Variants in RPS6KA2 observed in about 807,000 individuals in gnomAD.
RPS6KA2 encodes the protein ribosomal protein S6 kinase alpha-2.
In RPS6KA2, 42 loss-of-function variants were observed where a neutral mutation model predicts 91.8. The observed-to-expected ratio is 0.46, with a 90% CI of 0.36 to 0.59. The LOEUF (loss-of-function observed/expected upper bound fraction) is 0.59. RPS6KA2 is among the 20% of genes least tolerant of loss of function. The pLI, the probability that RPS6KA2 is intolerant of heterozygous loss-of-function variation, is 0.00. For missense variants in RPS6KA2, 798 were observed against 978.5 expected (o/e 0.82, Z 2.46); for synonymous variants, 414 against 393.6 (o/e 1.05, Z -0.61).
intron 3 of RPS6KA2, among the ~76,000 whole-genome samples, chr6:166,511,838 C>G (rs1782486834): frequency 6.6e-6 from 1 of 152,102 alleles, no homozygotes; most frequent in South Asian, 2.1e-4. Flanking sequence ...AACCATCATG[C>G]ATTGCTGATG....
At position 166,508,259 on chromosome 6, in the gene RPS6KA2, A is replaced by G. The variant is rs746976259; in HGVS notation, c.403T>C (p.Tyr135His). The change falls in exon 5 of 21, where the codon TAC becomes CAC. Residue 135 changes from tyrosine (Y) to histidine (H), a missense_variant. By Grantham distance (83) the Tyr-to-His change is moderately conservative. Transcript: ENST00000265678. The surrounding 1 kb of genome is among the most constrained non-coding windows in gnomAD (Gnocchi z 4.3). ...HYAFQTEGKL[Y>H]LILDFLRGGD... ...CCCCGCAGGAAGTCCAGGATCAGGT[A>G]GAGCTTTCCTTCCGTCTGAAAGGCT... The G allele has an allele frequency of 6.2e-7, 1 of 1,613,300 alleles. No individual in the cohort carries two copies. Among genetic ancestry groups the G allele is most frequent in the Non-Finnish European group, 8.5e-7 (1 of 1,179,362 alleles).
chr6:166,444,498 T>C (rs1389935042), intron 14 of RPS6KA2, among the ~76,000 whole-genome samples: 2 of 152,238 alleles, frequency 1.3e-5, no homozygotes, highest in East Asian at 1.9e-4. Flanking sequence ...TCTGTTCACC[T>C]ACAATGTGTC....
At chr6:166,848,848 C>T (rs996927600) in intron 2 of RPS6KA2, among the ~76,000 whole-genome samples, 4 of 151,964 alleles carry the variant, frequency 2.6e-5, no homozygotes, top group Non-Finnish European at 5.9e-5. Context: ...GAAATCACCA[C>T]TAAAGAACTT....
chr6:166,423,382 C>T lies in RPS6KA2; in HGVS notation c.1617G>A (p.Leu539=), dbSNP rs149814419. Residue 539 remains leucine, a synonymous_variant, in exon 17 of 21, where the codon CTG becomes CTA. Transcript: ENST00000265678. This position sits in a 1 kb window ranked among gnomAD's most constrained non-coding sequence, Gnocchi z 4.8. ...VHRDLKPSNI[L]YRDESGSPES... is the part of the protein sequence containing the mutation. ...CTGGGCTCCCCGACTCATCCCTGTA[C>T]AGGATGTTACTCGGCTTCAGGTCTC... is the stretch of plus-strand genomic sequence containing the variant. 34 of 1,613,350 alleles carry T rather than the reference C, an allele frequency of 2.1e-5. No individual in the cohort carries two copies. The highest frequency in any genetic ancestry group is 2.7e-5 in the African/African-American group (2 of 74,934).
At chr6:166,416,630 GC>G (rs1186117777) in intron 19 of RPS6KA2, among the ~76,000 whole-genome samples, 20 of 139,128 alleles carry the variant, frequency 1.4e-4, no homozygotes, top group African/African-American at 5.4e-4. Context: ...TCCACCATCA[GC>G]TCCATCCCTG....
In RPS6KA2 at chr6:166,469,114, C is replaced by G. The variant is rs1780654550; in HGVS notation, c.972+727G>C. On this transcript the variant is annotated intron_variant, in intron 11 of 20. Coordinates refer to ENST00000265678, the MANE Select transcript of RPS6KA2 (RefSeq NM_021135.6). ...TCCGAGTTTTAGCCGCGAGAACTCC[C>G]TGTGTGGGGGACGCGTCAGACGCTG... 2.6e-5 allele frequency among the ~76,000 whole-genome samples: 4 copies of G among 152,322 alleles called. No homozygotes were observed. The South Asian group carries it at 8.3e-4, about 32-fold the overall frequency.
At chr6:166,427,088 A>G in intron 16 of RPS6KA2, among the ~76,000 whole-genome samples, 1 of 152,242 alleles carries the variant, frequency 6.6e-6, no homozygotes, top group Non-Finnish European at 1.5e-5. Flanking sequence ...CAGCATATCA[A>G]AAAGCTTATC....
At chr6:166,681,646 T>G (rs1283056070) in intron 2 of RPS6KA2, among the ~76,000 whole-genome samples, 3 of 148,740 alleles carry the variant, frequency 2.0e-5, no homozygotes, top group South Asian at 2.1e-4. Flanking sequence ...CTTTTGTGAT[T>G]CCAGCTCACA....
At chr6:166,764,712 G>A (rs1778261835) in intron 2 of RPS6KA2, among the ~76,000 whole-genome samples, 1 of 152,196 alleles carries the variant, frequency 6.6e-6, no homozygotes, top group Non-Finnish European at 1.5e-5. Flanking sequence ...CTGCAGCCAT[G>A]AGCCCGCAAC....
chr6:166,588,204 T>A (rs745614760), intron 1 of RPS6KA2, among the ~76,000 whole-genome samples: 5 of 151,394 alleles, frequency 3.3e-5, no homozygotes, highest in Non-Finnish European at 7.4e-5. Flanking sequence ...TGAGTGTGGT[T>A]TAAAAAGAGG....
intron 2 of RPS6KA2, among the ~76,000 whole-genome samples, chr6:166,784,257 A>AT (rs1778861236): frequency 2.5e-4 from 1 of 3,970 alleles, no homozygotes; most frequent in African/African-American, 2.8e-4. Context: ...GTGCACACCT[A>AT]CGCATAACCA....
chr6:166,823,800 G>C (rs1779963576), intron 2 of RPS6KA2, among the ~76,000 whole-genome samples: 1 of 152,158 alleles, frequency 6.6e-6, no homozygotes, highest in Non-Finnish European at 1.5e-5. Context: ...AACCTTATTT[G>C]ATCAGCGAAG....
intron 6 of RPS6KA2, 98 bp from the exon 7 acceptor site, chr6:166,501,022 G>C: frequency 8.6e-7 from 1 of 1,163,394 alleles, no homozygotes; most frequent in Non-Finnish European, 1.3e-6. Flanking sequence ...AGCTGGGGGC[G>C]GACGTTTTCA....
intron 2 of RPS6KA2, among the ~76,000 whole-genome samples, chr6:166,782,238 G>C (rs1657064213): frequency 6.6e-6 from 1 of 152,214 alleles, no homozygotes; most frequent in Admixed American, 6.5e-5. Flanking sequence ...GTTGCAGTGA[G>C]CTGAGATTGC....
At chr6:166,772,578 G>A (rs1440717440) in intron 2 of RPS6KA2, among the ~76,000 whole-genome samples, 2 of 152,144 alleles carry the variant, frequency 1.3e-5, no homozygotes, top group East Asian at 1.9e-4. Context: ...CATAAATGAC[G>A]CTTTTACAGA....
At chr6:166,705,277 C>T (rs1789649148) in intron 2 of RPS6KA2, among the ~76,000 whole-genome samples, 1 of 152,216 alleles carries the variant, frequency 6.6e-6, no homozygotes, top group Non-Finnish European at 1.5e-5. Flanking sequence ...CATCATGTCC[C>T]ATTAAATTTT....
At chr6:166,498,802 T>A in intron 7 of RPS6KA2, 152 bp from the exon 8 acceptor site, 1 of 1,007,474 alleles carries the variant, frequency 9.9e-7, no homozygotes, top group Non-Finnish European at 1.4e-6. Flanking sequence ...ACCATGTGAG[T>A]GCTTCCCGAA....
intron 2 of RPS6KA2, among the ~76,000 whole-genome samples, chr6:166,761,187 T>C (rs1047511010): frequency 6.6e-6 from 1 of 152,156 alleles, no homozygotes; most frequent in Non-Finnish European, 1.5e-5. Context: ...TTTTAGCCTC[T>C]TAAGTAGCCA....
chr6:166,701,783 T>C (rs1292553659), intron 2 of RPS6KA2: 7 of 993,890 alleles, frequency 7.0e-6, no homozygotes, highest in African/African-American at 4.8e-5. Flanking sequence ...TTCCTAACGC[T>C]CCCTGATTTT....
Sources: gnomAD v4.1 joint callset for allele counts (sites outside exome capture counted in the v4.1 genomes callset) on GRCh38, gnomAD v4.1.1 for gene constraint, Gnocchi (gnomAD v3.1) non-coding constraint, MANE v1.5 for transcripts, NCBI Gene and HGNC (gene_info 2026-07-23, HGNC 2026-07-21) for gene names.